The following CDH22 variants were observed in gnomAD, a reference collection of about 807,000 sequenced individuals.
The protein encoded by CDH22 is cadherin-22.
Under a neutral mutation model 58.4 loss-of-function variants are expected in CDH22, and 30 were observed. That is an observed-to-expected ratio of 0.51 (90% CI 0.38 to 0.70). CDH22 has a LOEUF of 0.70. Ranked by LOEUF, CDH22 falls within the 30% of genes least tolerant of loss-of-function variation. CDH22 has a pLI of 0.00. For missense variants in CDH22, 1,014 were observed against 1,233.9 expected (o/e 0.82, Z 2.67); for synonymous variants, 513 against 558.2 (o/e 0.92, Z 1.14).
At chr20:46,225,155 G>A (rs1374759650) in intron 4 of CDH22, among the ~76,000 whole-genome samples, 1 of 152,198 alleles carries the variant, frequency 6.6e-6, no homozygotes, top group Non-Finnish European at 1.5e-5. Flanking sequence ...GGTACATTTC[G>A]GCATTATCTA....
At chr20:46,267,870 G>T (rs2086468584) in intron 1 of CDH22, among the ~76,000 whole-genome samples, 1 of 152,258 alleles carries the variant, frequency 6.6e-6, no homozygotes, top group Non-Finnish European at 1.5e-5. Context: ...CCTGCGGGAG[G>T]TTCACTGGGG....
At chr20:46,188,514 T>G (rs2085842159) in intron 8 of CDH22, among the ~76,000 whole-genome samples, 1 of 152,176 alleles carries the variant, frequency 6.6e-6, no homozygotes. Flanking sequence ...AATTGCAACC[T>G]CAGGCATAAA....
At chr20:46,219,177 G>A (rs2425789) in intron 4 of CDH22, among the ~76,000 whole-genome samples, 140,634 of 152,176 alleles carry the variant, frequency 0.92, 65,166 homozygotes, top group Middle Eastern at 0.96. Flanking sequence ...TGGAATGGGT[G>A]TTCTGCCTAA....
chr20:46,194,502 C>A lies in CDH22; in HGVS notation c.1423+4921G>T, dbSNP rs538995713. ...CTGTCTCCCCAGGTTGGGTATGGGGCTGGAGGATGGGTATAGGGCTGGAGC... is the reference window on the plus strand; with the variant it reads ...CTGTCTCCCCAGGTTGGGTATGGGGATGGAGGATGGGTATAGGGCTGGAGC... On this transcript the variant is annotated intron_variant, in intron 8 of 11. Coordinates refer to ENST00000537909, the MANE Select transcript of CDH22 (RefSeq NM_021248.3). Among the ~76,000 whole-genome samples, 412 of 152,274 alleles carry A rather than the reference C, an allele frequency of 2.7e-3. 3 individuals carry two copies. The highest frequency in any genetic ancestry group is 9.5e-3 in the African/African-American group (395 of 41,560).
chr20:46,290,606 G>A (rs1277620050), intron 1 of CDH22, among the ~76,000 whole-genome samples: 1 of 152,214 alleles, frequency 6.6e-6, no homozygotes, highest in Admixed American at 6.5e-5. Flanking sequence ...AGAGTCAGGT[G>A]TGGGCACCCT....
chr20:46,196,792 G>A (rs2085906873), intron 8 of CDH22, among the ~76,000 whole-genome samples: 1 of 152,176 alleles, frequency 6.6e-6, no homozygotes, highest in South Asian at 2.1e-4. Flanking sequence ...AAAGGGCCCG[G>A]AACAGAGTCA....
chr20:46,264,507 T>A (rs2086448820), intron 1 of CDH22, among the ~76,000 whole-genome samples: 1 of 152,198 alleles, frequency 6.6e-6, no homozygotes, highest in African/African-American at 2.4e-5. Context: ...TCTGATTGAA[T>A]CCTCACAATA....
At chr20:46,267,711 C>T (rs2086467757) in intron 1 of CDH22, among the ~76,000 whole-genome samples, 1 of 152,256 alleles carries the variant, frequency 6.6e-6, no homozygotes, top group African/African-American at 2.4e-5. Flanking sequence ...ATTTTCTTCC[C>T]TTCCTGCACC....
chr20:46,297,097 C>T (rs948676191), intron 1 of CDH22, among the ~76,000 whole-genome samples: 1 of 152,260 alleles, frequency 6.6e-6, no homozygotes, highest in South Asian at 2.1e-4. Flanking sequence ...CTGGGGCCAC[C>T]CACTGCTGGC....
intron 1 of CDH22, among the ~76,000 whole-genome samples, chr20:46,283,601 G>A (rs1268741031): frequency 6.6e-6 from 1 of 152,104 alleles, no homozygotes. Flanking sequence ...GTGAGTCAGC[G>A]GCAGGGAATC....
intron 2 of CDH22, among the ~76,000 whole-genome samples, chr20:46,249,770 C>G (rs1442788662): frequency 6.6e-6 from 1 of 152,144 alleles, no homozygotes; most frequent in Non-Finnish European, 1.5e-5. Context: ...CTACAATCAC[C>G]CTCCACTTCA....
At chr20:46,233,711 T>C (rs1014291518) in intron 3 of CDH22, among the ~76,000 whole-genome samples, 1 of 152,214 alleles carries the variant, frequency 6.6e-6, no homozygotes, top group African/African-American at 2.4e-5. Flanking sequence ...TATTCCTCCC[T>C]GTCCAGATTA....
Position 46,245,081 on chromosome 20 carries a change from T to C in CDH22, c.256-3824A>G, listed in dbSNP as rs1297826157. On this transcript the variant is annotated intron_variant, in intron 2 of 11. Coordinates refer to ENST00000537909, the MANE Select transcript of CDH22 (RefSeq NM_021248.3). ...TCATAAGATAATATATGGAAGCTCC[T>C]TGCGCTTAGTAGGTGCTCAATATAG... Among the ~76,000 whole-genome samples the C allele has an allele frequency of 4.6e-5, 7 of 152,160 alleles. No individual in the cohort carries two copies. The South Asian group carries it at 6.2e-4, about 14-fold the overall frequency.
intron 1 of CDH22, among the ~76,000 whole-genome samples, chr20:46,307,978 T>G (rs2059031605): frequency 6.6e-6 from 1 of 151,248 alleles, no homozygotes; most frequent in Non-Finnish European, 1.5e-5. Flanking sequence ...GACGAGGTTG[T>G]GGGGACGGGT....
intron 10 of CDH22, 104 bp from the exon 11 acceptor site, chr20:46,178,301 A>G (rs1196000786): frequency 1.6e-6 from 2 of 1,285,154 alleles, no homozygotes; most frequent in African/African-American, 1.5e-5. Context: ...CCTATGCCCC[A>G]AACTACAGCC....
chr20:46,276,427 T>C (rs1300947509), intron 1 of CDH22, among the ~76,000 whole-genome samples: 2 of 152,020 alleles, frequency 1.3e-5, no homozygotes, highest in Non-Finnish European at 2.9e-5. Flanking sequence ...GCTGGGAGAA[T>C]TGACAGTCGT....
intron 4 of CDH22, among the ~76,000 whole-genome samples, chr20:46,223,185 C>T (rs2086138723): frequency 6.6e-6 from 1 of 152,198 alleles, no homozygotes; most frequent in Non-Finnish European, 1.5e-5. Context: ...TTCTGCTCCC[C>T]CAGGCCCGGT....
intron 10 of CDH22, among the ~76,000 whole-genome samples, chr20:46,183,764 C>T (rs940509011): frequency 0.3 from 24 of 80 alleles, no homozygotes; most frequent in African/African-American, 0.44. Flanking sequence ...TCAGAGGCCA[C>T]TAAGGCTCCG....
chr20:46,216,765 G>T lies in CDH22; in HGVS notation c.838+61C>A. ...AAAGGGAAGCTGGGGTCAGCAGGTG[G>T]CTTGGATGGGGTAACAGACAGACAC... On this transcript the variant is annotated intron_variant, in intron 5 of 11. Transcript: ENST00000537909. This position sits in a 1 kb window ranked among gnomAD's most constrained non-coding sequence, Gnocchi z 5.3. The T allele has an allele frequency of 1.3e-6, 2 of 1,493,408 alleles. No homozygotes were observed. The highest frequency in any genetic ancestry group is 1.8e-6 in the Non-Finnish European group (2 of 1,082,980). 92.5% of individuals were successfully genotyped at this position (1,493,408 alleles called of 1,614,324 possible).
Sources: gnomAD v4.1 joint callset for allele counts (sites outside exome capture counted in the v4.1 genomes callset) on GRCh38, gnomAD v4.1.1 for gene constraint, Gnocchi (gnomAD v3.1) non-coding constraint, MANE v1.5 for transcripts, NCBI Gene and HGNC (gene_info 2026-07-23, HGNC 2026-07-21) for gene names.